The following RGS21 variants were observed in gnomAD, a reference collection of about 807,000 sequenced individuals.
The protein encoded by RGS21 is regulator of G-protein signalling 21.
Under a neutral mutation model 18.7 loss-of-function variants are expected in RGS21, and 19 were observed. The ratio of observed to expected loss-of-function variants is 1.01; its 90% CI spans 0.71 to 1.49. The LOEUF is 1.49. Among genes scored for constraint, RGS21 ranks in the 40% most tolerant of loss-of-function variants. The pLI, the probability that RGS21 is intolerant of heterozygous loss-of-function variation, is 0.00. For synonymous variants in RGS21, 56 were observed against 57.8 expected, an observed-to-expected ratio of 0.97 and a Z score of 0.14; for missense variants, 194 against 176.8, an observed-to-expected ratio of 1.10 and a Z score of -0.55.
intron 4 of RGS21, among the ~76,000 whole-genome samples, chr1:192,354,912 A>C (rs1659091022): frequency 6.6e-6 from 1 of 151,772 alleles, no homozygotes; most frequent in Admixed American, 6.6e-5. Context: ...GAAACTTACT[A>C]AATTATCCCT....
intron 1 of RGS21, among the ~76,000 whole-genome samples, chr1:192,319,076 T>C (rs1658460437): frequency 6.6e-6 from 1 of 151,964 alleles, no homozygotes; most frequent in Admixed American, 6.6e-5. Flanking sequence ...CCCCCATCTC[T>C]ATAAAAATAA....
chr1:192,320,358 A>C (rs1284207520), intron 1 of RGS21, among the ~76,000 whole-genome samples: 1 of 152,140 alleles, frequency 6.6e-6, no homozygotes. Flanking sequence ...TAAAAATTGC[A>C]ACACACATTT....
intron 2 of RGS21, among the ~76,000 whole-genome samples, chr1:192,345,302 C>T (rs1239810836): frequency 2.0e-5 from 3 of 152,000 alleles, no homozygotes; most frequent in African/African-American, 4.8e-5. Flanking sequence ...GATTCAGTGA[C>T]GTTTTCACAT....
At chr1:192,317,245 A>C (rs537037788) in intron 1 of RGS21, 140 bp downstream of exon 1, 22 of 152,060 alleles carry the variant, frequency 1.4e-4, no homozygotes, top group African/African-American at 4.6e-4. Context: ...AAAAGAAAAA[A>C]TTTTACTAGC....
intron 1 of RGS21, among the ~76,000 whole-genome samples, chr1:192,338,088 T>C (rs577960946): frequency 1.3e-5 from 2 of 152,248 alleles, no homozygotes; most frequent in East Asian, 1.9e-4. Context: ...TACTAAGAAC[T>C]ATACATCCAA....
At chr1:192,332,693 G>A (rs975760337) in intron 1 of RGS21, among the ~76,000 whole-genome samples, 3 of 152,160 alleles carry the variant, frequency 2.0e-5, no homozygotes, top group Non-Finnish European at 4.4e-5. Flanking sequence ...AGTAATATTT[G>A]CAAGCTGCAT....
chr1:192,335,192 G>A (rs983774967), intron 1 of RGS21, among the ~76,000 whole-genome samples: 1 of 152,036 alleles, frequency 6.6e-6, no homozygotes, highest in African/African-American at 2.4e-5. Flanking sequence ...GAAAGAACAT[G>A]GATTTTGGAA....
intron 4 of RGS21, among the ~76,000 whole-genome samples, chr1:192,360,739 T>A (rs78170428): frequency 0.011 from 1,708 of 152,282 alleles, 20 homozygotes; most frequent in Middle Eastern, 0.061. Flanking sequence ...GATTTATCTT[T>A]CTTCTCAAAA....
chr1:192,348,245 C>T lies in RGS21; in HGVS notation c.88+856C>T, dbSNP rs369528063. On this transcript the variant is annotated intron_variant, in intron 3 of 4. Transcript: ENST00000417209. ...TTCGCCACATTAGCCAGGCTGGTCTCGAACTTCTGACCCCAGATGATCTGC... is the reference window on the plus strand; with the variant it reads ...TTCGCCACATTAGCCAGGCTGGTCTTGAACTTCTGACCCCAGATGATCTGC... Among the ~76,000 whole-genome samples, 10 of 152,068 alleles carry T rather than the reference C, an allele frequency of 6.6e-5. No individual in the cohort carries two copies. The South Asian group carries it at 2.1e-3, about 32-fold the overall frequency.
At chr1:192,365,879 T>G (rs1659251458) in intron 4 of RGS21, 42 bp from the exon 5 acceptor site, 3 of 1,101,498 alleles carry the variant, frequency 2.7e-6, no homozygotes, top group South Asian at 1.3e-5. Flanking sequence ...ATACATTCTT[T>G]GATTAAACTA....
chr1:192,331,026 T>C (rs977296700), intron 1 of RGS21, among the ~76,000 whole-genome samples: 41 of 152,280 alleles, frequency 2.7e-4, no homozygotes, highest in African/African-American at 9.4e-4. Flanking sequence ...TGCTTGTGTA[T>C]GTGGTAGTAA....
chr1:192,336,324 G>A (rs1006457472), intron 1 of RGS21, among the ~76,000 whole-genome samples: 12 of 152,068 alleles, frequency 7.9e-5, no homozygotes, highest in Admixed American at 2.0e-4. Context: ...GCACTCTGGT[G>A]GATGCCTGTA....
At chr1:192,347,091 G>A (rs1658957270) in intron 2 of RGS21, among the ~76,000 whole-genome samples, 1 of 152,054 alleles carries the variant, frequency 6.6e-6, no homozygotes, top group African/African-American at 2.4e-5. Context: ...ATATTCTTAA[G>A]ACTGTCAGCT....
intron 2 of RGS21, among the ~76,000 whole-genome samples, 191 bp from the exon 3 acceptor site, chr1:192,347,122 G>T (rs1444644705): frequency 6.6e-6 from 1 of 152,104 alleles, no homozygotes; most frequent in African/African-American, 2.4e-5. Flanking sequence ...ATAATTTGCT[G>T]ATGTCAAATT....
At chr1:192,325,275 C>T (rs1265331566) in intron 1 of RGS21, among the ~76,000 whole-genome samples, 2 of 152,068 alleles carry the variant, frequency 1.3e-5, no homozygotes, top group Admixed American at 1.3e-4. Flanking sequence ...CCTCCAGCTG[C>T]ATCCACATTG....
chr1:192,359,829 A>G (rs1478483092), intron 4 of RGS21, among the ~76,000 whole-genome samples: 2 of 150,806 alleles, frequency 1.3e-5, no homozygotes, highest in East Asian at 3.9e-4. Flanking sequence ...ATTTAGTAAG[A>G]TATATATATC....
intron 1 of RGS21, among the ~76,000 whole-genome samples, chr1:192,317,362 G>T (rs2102218710): frequency 6.6e-6 from 1 of 151,634 alleles, no homozygotes; most frequent in East Asian, 1.9e-4. Context: ...GATGAACAAA[G>T]GATATCAGAC....
chr1:192,337,383 A>T (rs1033941432), intron 1 of RGS21, among the ~76,000 whole-genome samples: 1 of 151,934 alleles, frequency 6.6e-6, no homozygotes, highest in African/African-American at 2.4e-5. Flanking sequence ...AAAAGTTAAT[A>T]AAAAAATAAC....
chr1:192,323,820 C>G (rs1658528735), intron 1 of RGS21, among the ~76,000 whole-genome samples: 1 of 151,946 alleles, frequency 6.6e-6, no homozygotes, highest in African/African-American at 2.4e-5. Flanking sequence ...TGCATAGGTT[C>G]AGAAATGAAT....
Sources: gnomAD v4.1 joint callset for allele counts (sites outside exome capture counted in the v4.1 genomes callset) on GRCh38, gnomAD v4.1.1 for gene constraint, MANE v1.5 for transcripts, NCBI Gene and HGNC (gene_info 2026-07-23, HGNC 2026-07-21) for gene names.